The following CSTPP1 variants were observed in gnomAD, a reference collection of about 807,000 sequenced individuals.
The protein encoded by CSTPP1 is centriolar satellite-associated tubulin polyglutamylase complex regulator 1, also known as UPF0705 protein C11orf49.
At chr11:47,146,365 CAAA>C in the CSTPP1 span, among the ~76,000 whole-genome samples, 16 of 73,794 alleles carry the variant, frequency 2.2e-4, no homozygotes, top group Middle Eastern at 6.1e-3. Flanking sequence ...AACTCTGTCT[CAAA>C]AAAAAAAAAA....
the CSTPP1 span, among the ~76,000 whole-genome samples, chr11:46,946,645 G>A: frequency 5.0e-4 from 76 of 152,316 alleles, 1 homozygote; most frequent in South Asian, 0.014. Context: ...GCGACAGAGC[G>A]AGACTCCATC....
the CSTPP1 span, among the ~76,000 whole-genome samples, chr11:47,103,344 G>T: frequency 6.6e-6 from 1 of 150,562 alleles, no homozygotes; most frequent in East Asian, 2.0e-4. Flanking sequence ...GGGTTGCAGT[G>T]AGCTGAGATC....
the CSTPP1 span, among the ~76,000 whole-genome samples, chr11:47,095,657 A>G: frequency 6.6e-6 from 1 of 152,170 alleles, no homozygotes; most frequent in Non-Finnish European, 1.5e-5. Flanking sequence ...CAAAATTCCC[A>G]TATCTTATTT....
chr11:47,016,848 T>TC, the CSTPP1 span, among the ~76,000 whole-genome samples: 1 of 140,210 alleles, frequency 7.1e-6, no homozygotes, highest in East Asian at 2.0e-4. Context: ...ACTTTTTTTT[T>TC]TTTTTTTTTT....
the CSTPP1 span, among the ~76,000 whole-genome samples, chr11:47,093,454 C>G: frequency 6.6e-6 from 1 of 152,220 alleles, no homozygotes; most frequent in African/African-American, 2.4e-5. Flanking sequence ...GTGCCAGGCA[C>G]TGTTTTGGTG....
At chr11:47,095,171 C>A in the CSTPP1 span, among the ~76,000 whole-genome samples, 1 of 152,186 alleles carries the variant, frequency 6.6e-6, no homozygotes, top group South Asian at 2.1e-4. Context: ...TTTAGTTCAG[C>A]CTGAAGAGCC....
At chr11:47,163,977 T>C in the CSTPP1 span, 4 of 1,217,308 alleles carry the variant, frequency 3.3e-6, no homozygotes, top group Non-Finnish European at 4.6e-6. Context: ...CTGAAACCCA[T>C]CCCCAGTCAA....
At chr11:47,074,673 C>T in the CSTPP1 span, among the ~76,000 whole-genome samples, 1 of 152,122 alleles carries the variant, frequency 6.6e-6, no homozygotes, top group African/African-American at 2.4e-5. Context: ...GTAGTGTATA[C>T]CCTAAATGCT....
At chr11:47,134,687 T>TAC in the CSTPP1 span, among the ~76,000 whole-genome samples, 1 of 152,250 alleles carries the variant, frequency 6.6e-6, no homozygotes, top group African/African-American at 2.4e-5. Context: ...GGGGGACTGC[T>TAC]ACCTTGTTCA....
At chr11:47,005,656 G>C in the CSTPP1 span, among the ~76,000 whole-genome samples, 3 of 152,158 alleles carry the variant, frequency 2.0e-5, no homozygotes, top group African/African-American at 7.2e-5. Context: ...TAGTGGTTAA[G>C]AACATGGACT....
At chr11:46,958,196 T>C in the CSTPP1 span, among the ~76,000 whole-genome samples, 1 of 152,186 alleles carries the variant, frequency 6.6e-6, no homozygotes, top group South Asian at 2.1e-4. Context: ...GATGGGATCT[T>C]GCTTTGTTGT....
chr11:47,106,975 G>C, the CSTPP1 span, among the ~76,000 whole-genome samples: 1 of 152,146 alleles, frequency 6.6e-6, no homozygotes, highest in Non-Finnish European at 1.5e-5. Flanking sequence ...AGGATACGCT[G>C]TTTCCCGTTC....
At chr11:47,154,981 T>C in the CSTPP1 span, 1 of 612,842 alleles carries the variant, frequency 1.6e-6, no homozygotes, top group Non-Finnish European at 2.9e-6. Flanking sequence ...GATGGAGCAG[T>C]GAGGTGACTG....
At chr11:47,061,768 A>G in the CSTPP1 span, among the ~76,000 whole-genome samples, 1 of 151,914 alleles carries the variant, frequency 6.6e-6, no homozygotes, top group African/African-American at 2.4e-5. Context: ...CGTTTTGTTT[A>G]TTTCTCCTGA....
the CSTPP1 span, among the ~76,000 whole-genome samples, chr11:47,004,101 G>A: frequency 6.6e-6 from 1 of 151,540 alleles, no homozygotes; most frequent in Non-Finnish European, 1.5e-5. Context: ...CAGAGTTGAA[G>A]ATCTTGAGGA....
the CSTPP1 span, among the ~76,000 whole-genome samples, chr11:47,089,781 G>A: frequency 1.3e-5 from 2 of 152,130 alleles, no homozygotes; most frequent in Non-Finnish European, 2.9e-5. Flanking sequence ...GGTCAGCAGT[G>A]ACAGATAAAA....
At chr11:47,056,148 A>G in the CSTPP1 span, among the ~76,000 whole-genome samples, 1,278 of 152,280 alleles carry the variant, frequency 8.4e-3, 29 homozygotes, top group Non-Finnish European at 7.1e-3. Flanking sequence ...GAACTCTCAT[A>G]TGTGAAAAGT....
chr11:47,161,096 A>G, the CSTPP1 span: 2 of 1,613,948 alleles, frequency 1.2e-6, no homozygotes, highest in Non-Finnish European at 1.7e-6. Context: ...GGGCCCTCAG[A>G]TTAACTACTG....
At chr11:47,050,066 A>G in the CSTPP1 span, among the ~76,000 whole-genome samples, 2 of 152,328 alleles carry the variant, frequency 1.3e-5, no homozygotes, top group East Asian at 1.9e-4. Flanking sequence ...TTTACAAGAG[A>G]TATACATAAA....
Sources: gnomAD v4.1 joint callset for allele counts (sites outside exome capture counted in the v4.1 genomes callset) on GRCh38, gnomAD v4.1.1 for gene constraint, MANE v1.5 for transcripts, NCBI Gene and HGNC (gene_info 2026-07-23, HGNC 2026-07-21) for gene names.